TECPR2: variants seen among roughly 807,000 people sequenced by gnomAD.
The protein encoded by TECPR2 is tectonin beta-propeller repeat-containing protein 2.
Under a neutral mutation model 138.1 loss-of-function variants are expected in TECPR2, and 65 were observed. The observed-to-expected ratio is 0.47, with a 90% CI of 0.39 to 0.58. TECPR2 has a LOEUF of 0.58. TECPR2 is among the 20% of genes least tolerant of loss of function. The pLI, the probability that TECPR2 is intolerant of heterozygous loss-of-function variation, is 0.00. For missense variants in TECPR2, 1,553 were observed against 1,824.5 expected, an observed-to-expected ratio of 0.85 and a Z score of 2.71; for synonymous variants, 746 against 749.8, an observed-to-expected ratio of 0.99 and a Z score of 0.08.
rs187542455 is a variant in TECPR2, at chr14:102,431,543, T to C, written c.1085-253T>C. ...ATTTTTAGTAGAGACGGGGTTTCACTGTGTTAGCCAGGATGGTCTTGATCT... is the reference window on the plus strand; with the variant it reads ...ATTTTTAGTAGAGACGGGGTTTCACCGTGTTAGCCAGGATGGTCTTGATCT... On this transcript the variant is annotated intron_variant, in intron 7 of 19. Coordinates refer to ENST00000359520, the MANE Select transcript of TECPR2 (RefSeq NM_014844.5). Among the ~76,000 whole-genome samples, 1,899 of 151,980 alleles carry C rather than the reference T, an allele frequency of 0.012. 18 individuals are homozygous for C. The highest frequency in any genetic ancestry group is 0.022 in the East Asian group (114 of 5,132).
At chr14:102,381,294 C>T (rs899210010) in intron 2 of TECPR2, among the ~76,000 whole-genome samples, 4 of 152,160 alleles carry the variant, frequency 2.6e-5, no homozygotes, top group Admixed American at 2.0e-4. Flanking sequence ...GCTGAGAGGC[C>T]GGGCATGGTG....
At chr14:102,422,174 T>A (rs1460085332) in intron 5 of TECPR2, among the ~76,000 whole-genome samples, 3 of 152,166 alleles carry the variant, frequency 2.0e-5, no homozygotes, top group Non-Finnish European at 4.4e-5. Flanking sequence ...GGCTAAGGGG[T>A]ATGCACAGAA....
intron 7 of TECPR2, 112 bp downstream of exon 7, chr14:102,428,494 C>T: frequency 6.7e-7 from 1 of 1,502,512 alleles, no homozygotes; most frequent in South Asian, 1.2e-5. Context: ...GGCATGGTGG[C>T]TCACGCCTGT....
chr14:102,486,429 A>G (rs1201449185), intron 17 of TECPR2, among the ~76,000 whole-genome samples: 2 of 152,156 alleles, frequency 1.3e-5, no homozygotes, highest in Non-Finnish European at 2.9e-5. Flanking sequence ...CCTCCTGAGT[A>G]CCTGGGACTA....
chr14:102,464,922 A>G (rs1276594340), intron 16 of TECPR2, among the ~76,000 whole-genome samples: 1 of 152,184 alleles, frequency 6.6e-6, no homozygotes, highest in Admixed American at 6.5e-5. Flanking sequence ...GCCAGAGGCC[A>G]TTATTACTCT....
rs1891175827 is a variant in TECPR2, at chr14:102,492,331, C to T, written c.3790-4648C>T. 3.3e-5 allele frequency among the ~76,000 whole-genome samples: 5 copies of T among 152,318 alleles called. No individual in the cohort carries two copies. The South Asian group carries it at 1.0e-3, about 32-fold the overall frequency. On this transcript the variant is annotated intron_variant, in intron 17 of 19. Coordinates refer to ENST00000359520, the MANE Select transcript of TECPR2 (RefSeq NM_014844.5). ...GAGCTTCCGTCGTGTAAAGTCAGAC[C>T]CAGACAGCCCAGGCCCTGGTGTCAG...
chr14:102,412,102 C>G (rs1327826056), intron 4 of TECPR2, among the ~76,000 whole-genome samples: 5 of 147,676 alleles, frequency 3.4e-5, no homozygotes. Context: ...CAGAGTGATG[C>G]AGATCTTCCA....
At position 102,376,808 on chromosome 14, in the gene TECPR2, G is replaced by A; in HGVS notation, c.87G>A (p.Lys29=). The change falls in exon 2 of 20, where the codon AAG becomes AAA. Residue 29 remains lysine, a synonymous_variant. Transcript: ENST00000359520. The part of the protein sequence containing the change: ...LLNAIPTKIQ[K]GFRSIVVYLT... ...ATGCCATTCCGACAAAGATCCAGAA[G>A]GGTTTCCGCTCTATCGTGGTCTATC... 6.2e-7 allele frequency: 1 copy of A among 1,614,222 alleles called. No individual in the cohort carries two copies. The highest frequency in any genetic ancestry group is 1.1e-5 in the South Asian group (1 of 91,088).
In TECPR2 at chr14:102,498,509, A is replaced by T; in HGVS notation, c.*252A>T. 1 of 559,754 alleles carries T rather than the reference A, an allele frequency of 1.8e-6. No individual in the cohort carries two copies. The highest frequency in any genetic ancestry group is 3.2e-6 in the Non-Finnish European group (1 of 313,010). 34.7% of individuals were successfully genotyped at this position (559,754 alleles called of 1,614,324 possible). A position where few individuals can be genotyped will look rare whatever the true frequency, so the allele number is the denominator to read the frequency against. On this transcript the variant is annotated 3_prime_UTR_variant, in exon 20 of 20. Coordinates refer to ENST00000359520, the MANE Select transcript of TECPR2 (RefSeq NM_014844.5). ...AGGACAGTGGCGACTGCCCGGCTGC[A>T]TGCACTCCGATTACCCACGTGCTGC...
Position 102,465,278 on chromosome 14 carries a change from C to T in TECPR2, c.3778C>T (p.Pro1260Ser). ...LMLPAWIMIE[P>S]PVQPAGVSLV... The stretch of plus-strand genomic sequence containing the variant: ...GCTTCCAGCCTGGATAATGATTGAG[C>T]CACCTGTCCAGGTAAGCAGAAGTTA... The change falls in exon 17 of 20, where the codon CCA becomes TCA. Residue 1260 changes from proline (P) to serine (S), a missense_variant. Coordinates refer to ENST00000359520, the MANE Select transcript of TECPR2 (RefSeq NM_014844.5). 6.2e-7 allele frequency: 1 copy of T among 1,613,866 alleles called. No homozygotes were observed. The highest frequency in any genetic ancestry group is 8.5e-7 in the Non-Finnish European group (1 of 1,179,902).
At chr14:102,407,183 A>G (rs767742221) in intron 2 of TECPR2, among the ~76,000 whole-genome samples, 155 bp from the exon 3 acceptor site, 3 of 151,850 alleles carry the variant, frequency 2.0e-5, no homozygotes, top group African/African-American at 7.3e-5. Context: ...TGTTTTTTCA[A>G]CAGATGTAAT....
chr14:102,434,522 GAA>G lies in TECPR2; in HGVS notation c.1707_1708del (p.Glu569AspfsTer24). On this transcript the variant is annotated frameshift_variant, in exon 9 of 20. Transcript: ENST00000359520. LOFTEE classifies it high-confidence loss of function. ...GGCTGAGGAAGATGACATTAGAACT[GAA>G]ATGCCACACTGTCACCATGCACATG... ...SLAEEDDIRT[E>X]MPHCHHAHGR... 6.4e-7 allele frequency: 1 copy of G among 1,559,470 alleles called. No individual in the cohort carries two copies. Among genetic ancestry groups the G allele is most frequent in the East Asian group, 2.3e-5 (1 of 44,428 alleles).
intron 2 of TECPR2, among the ~76,000 whole-genome samples, chr14:102,378,744 C>G (rs1329956478): frequency 1.3e-5 from 2 of 152,124 alleles, no homozygotes; most frequent in Non-Finnish European, 2.9e-5. Context: ...CCTGCCTCAG[C>G]CTCCAGAGCA....
intron 10 of TECPR2, 42 bp from the exon 11 acceptor site, chr14:102,440,394 C>G (rs776109483): frequency 1.9e-6 from 3 of 1,602,000 alleles, no homozygotes; most frequent in Non-Finnish European, 2.6e-6. Context: ...GAAATATATT[C>G]TAGTATTTAT....
intron 7 of TECPR2, among the ~76,000 whole-genome samples, chr14:102,429,142 C>T (rs761759833): frequency 5.3e-5 from 8 of 152,132 alleles, no homozygotes; most frequent in South Asian, 2.1e-4. Context: ...CCACTGTGCC[C>T]GGCCGCTCCT....
rs1317283798 is a variant in TECPR2, at chr14:102,472,741, TC to T, written c.3789+7457del. On this transcript the variant is annotated intron_variant, in intron 17 of 19. Coordinates refer to ENST00000359520, the MANE Select transcript of TECPR2 (RefSeq NM_014844.5). ...CCCAGGAAATAGAAAAGTCCGTAGT[TC>T]CCCCTACTTTACGAGGAAATCTGTT... 3.3e-5 allele frequency among the ~76,000 whole-genome samples: 5 copies of T among 152,248 alleles called. No individual in the cohort carries two copies. The East Asian group carries it at 5.8e-4, about 18-fold the overall frequency.
At chr14:102,422,403 G>T (rs1595116484) in intron 5 of TECPR2, among the ~76,000 whole-genome samples, 1 of 152,308 alleles carries the variant, frequency 6.6e-6, no homozygotes, top group African/African-American at 2.4e-5. Context: ...CTGAGGACCT[G>T]CTCTATGTCA....
In TECPR2 at chr14:102,449,887, A is replaced by G; in HGVS notation, c.3316+18A>G. 6.2e-7 allele frequency: 1 copy of G among 1,609,612 alleles called. No individual in the cohort carries two copies. Among genetic ancestry groups the G allele is most frequent in the South Asian group, 1.1e-5 (1 of 91,046 alleles). ...TCTCATAGGTGGGTGAATTGCTGTA[A>G]TTTTCACACTGGCTTTATAGGCAGC... On this transcript the variant is annotated intron_variant, in intron 14 of 19. Transcript: ENST00000359520.
At position 102,498,334 on chromosome 14, in the gene TECPR2, G is replaced by A; in HGVS notation, c.*77G>A. 1 of 1,489,980 alleles carries A rather than the reference G, an allele frequency of 6.7e-7. No individual in the cohort carries two copies. The highest frequency in any genetic ancestry group is 8.9e-7 in the Non-Finnish European group (1 of 1,119,902). 92.3% of individuals were successfully genotyped at this position (1,489,980 alleles called of 1,614,324 possible). A position where few individuals can be genotyped will look rare whatever the true frequency, so the allele number is the denominator to read the frequency against. On this transcript the variant is annotated 3_prime_UTR_variant, in exon 20 of 20. Transcript: ENST00000359520. ...GGGGCTTCAGAGTGACTCCCTGGTG[G>A]ACGCGCTGCCTCAACACTTGTCCAG...
Sources: gnomAD v4.1 joint callset for allele counts (sites outside exome capture counted in the v4.1 genomes callset) on GRCh38, gnomAD v4.1.1 for gene constraint, MANE v1.5 for transcripts, NCBI Gene and HGNC (gene_info 2026-07-23, HGNC 2026-07-21) for gene names.